Variants in HDAC4 observed in about 807,000 individuals in gnomAD.
HDAC4 encodes the protein histone deacetylase A.
A neutral mutation model predicts 135.1 loss-of-function variants in HDAC4; 16 were observed. The observed-to-expected ratio is 0.12, with a 90% confidence interval of 0.08 to 0.18. The LOEUF (loss-of-function observed/expected upper bound fraction) is 0.18. Ranked by LOEUF, HDAC4 falls within the 10% of genes least tolerant of loss-of-function variation. The pLI, the probability that HDAC4 is intolerant of heterozygous loss-of-function variation, is 1.00. For missense variants in HDAC4, 1,143 were observed against 1,511.8 expected (o/e 0.76, Z 4.05); for synonymous variants, 685 against 653.4 (o/e 1.05, Z -0.74).
rs545911597 is a variant in HDAC4, at chr2:239,159,958, T to C, written c.612-3185A>G. ...GAGGAAGATGGAAAAGCAAATACTGTTTTCTTCTAAACACTGGCTTGACTG... is the reference window on the plus strand; with the variant it reads ...GAGGAAGATGGAAAAGCAAATACTGCTTTCTTCTAAACACTGGCTTGACTG... On this transcript the variant is annotated intron_variant, in intron 6 of 26. Coordinates refer to ENST00000543185, the MANE Select transcript of HDAC4 (RefSeq NM_001378414.1). Among the ~76,000 whole-genome samples the C allele has an allele frequency of 1.6e-4, 24 of 152,258 alleles. 1 individual carries two copies. Among genetic ancestry groups the C allele is most frequent in the Non-Finnish European group, 1.9e-4 (13 of 68,054 alleles).
intron 5 of HDAC4, among the ~76,000 whole-genome samples, chr2:239,166,761 G>A (rs975611114): frequency 1.3e-5 from 2 of 152,136 alleles, no homozygotes; most frequent in South Asian, 2.1e-4. Flanking sequence ...TCCACAACTA[G>A]GAATAAAAGG....
chr2:239,069,645 G>T (rs1349167484), intron 22 of HDAC4, among the ~76,000 whole-genome samples: 1 of 83,666 alleles, frequency 1.2e-5, no homozygotes, highest in Non-Finnish European at 2.7e-5. Flanking sequence ...CTTGCTTGGT[G>T]AGAGTGAGTC....
rs2051115175 is a variant in HDAC4, at chr2:239,285,989, C to T, written c.23-49325G>A. Among the ~76,000 whole-genome samples, 1 of 151,894 alleles carries T rather than the reference C, an allele frequency of 6.6e-6. No individual in the cohort carries two copies. Among genetic ancestry groups the T allele is most frequent in the Non-Finnish European group, 1.5e-5 (1 of 67,968 alleles). ...ACGCTCCCAAGCAAACACAAGCCAA[C>T]ACAGAAAGAAGTGAAAAAAGGCAGC... On this transcript the variant is annotated intron_variant, in intron 2 of 26. Coordinates refer to ENST00000543185, the MANE Select transcript of HDAC4 (RefSeq NM_001378414.1). This position sits in a 1 kb window ranked among gnomAD's most constrained non-coding sequence, Gnocchi z 4.5.
At chr2:239,266,289 G>A (rs984196943) in intron 2 of HDAC4, among the ~76,000 whole-genome samples, 5 of 152,172 alleles carry the variant, frequency 3.3e-5, no homozygotes, top group African/African-American at 1.2e-4. Flanking sequence ...TCCATAGGCC[G>A]GGACCCTGGT....
At chr2:239,293,013 T>G (rs2051622480) in intron 2 of HDAC4, among the ~76,000 whole-genome samples, 2 of 152,162 alleles carry the variant, frequency 1.3e-5, no homozygotes, top group South Asian at 4.1e-4. Flanking sequence ...AATGTCCCTA[T>G]AGACATGAAA....
At chr2:239,388,372 G>A (rs575262068) in intron 1 of HDAC4, among the ~76,000 whole-genome samples, 4 of 152,344 alleles carry the variant, frequency 2.6e-5, no homozygotes, top group South Asian at 4.1e-4. Flanking sequence ...CCACTTGCCC[G>A]CAGGGAGGCA....
chr2:239,052,739 T>A lies in HDAC4; in HGVS notation c.*358A>T, dbSNP rs932809534. The A allele has an allele frequency of 2.3e-5, 8 of 349,354 alleles. No homozygotes were observed. In the East Asian group the frequency reaches 3.8e-4, roughly 17 times the overall value. The allele number at this position is 349,354 out of a possible 1,614,324, so 21.6% of individuals were successfully genotyped here. A position where few individuals can be genotyped will look rare whatever the true frequency, so the allele number is the denominator to read the frequency against. ...TTAGATCTTTGATATTTGTTTTCTG[T>A]GCCTCGTGTCAACTGAATTCGGCAG... On this transcript the variant is annotated 3_prime_UTR_variant, in exon 27 of 27. Transcript: ENST00000543185.
At chr2:239,178,510 G>A (rs1011214853) in intron 4 of HDAC4, among the ~76,000 whole-genome samples, 64 of 152,294 alleles carry the variant, frequency 4.2e-4, no homozygotes, top group African/African-American at 1.4e-3. Context: ...AGCCTCCTGA[G>A]TAGCTGGGAC....
At position 239,327,084 on chromosome 2, in the gene HDAC4, G is replaced by A. The variant is rs187194890; in HGVS notation, c.22+25594C>T. 8.5e-5 allele frequency among the ~76,000 whole-genome samples: 13 copies of A among 152,352 alleles called. 1 individual carries two copies. The highest frequency in any genetic ancestry group is 2.1e-4 in the South Asian group (1 of 4,830). ...CTAGGATGATTCACCAACTGCCTTCGCTGAACAAATGTTTCAGAATCTGAG... is the reference window on the plus strand; with the variant it reads ...CTAGGATGATTCACCAACTGCCTTCACTGAACAAATGTTTCAGAATCTGAG... On this transcript the variant is annotated intron_variant, in intron 2 of 26. Transcript: ENST00000543185.
At chr2:239,132,262 G>A (rs1390920625) in intron 11 of HDAC4, among the ~76,000 whole-genome samples, 1 of 152,234 alleles carries the variant, frequency 6.6e-6, no homozygotes, top group Non-Finnish European at 1.5e-5. Context: ...GGCACACAGA[G>A]CATAAGCGGC....
chr2:239,098,292 A>G (rs939274075), intron 16 of HDAC4, among the ~76,000 whole-genome samples: 4 of 152,250 alleles, frequency 2.6e-5, no homozygotes, highest in Non-Finnish European at 5.9e-5. Context: ...ACAGGGCCTG[A>G]AGCTCTGCAA....
chr2:239,282,297 A>C (rs1575602595), intron 2 of HDAC4, among the ~76,000 whole-genome samples: 1 of 123,474 alleles, frequency 8.1e-6, no homozygotes, highest in Non-Finnish European at 1.7e-5. Flanking sequence ...TGTACACACC[A>C]CTCTACACAC....
At chr2:239,189,601 C>T (rs1173606080) in intron 4 of HDAC4, among the ~76,000 whole-genome samples, 2 of 152,196 alleles carry the variant, frequency 1.3e-5, no homozygotes, top group African/African-American at 4.8e-5. Flanking sequence ...AATATGCTTC[C>T]ACTCAATGAC....
intron 3 of HDAC4, among the ~76,000 whole-genome samples, chr2:239,197,249 G>A (rs1001458947): frequency 6.6e-6 from 1 of 152,118 alleles, no homozygotes; most frequent in South Asian, 2.1e-4. Flanking sequence ...CTTCGCCTTC[G>A]GGATTCTGAA....
At chr2:239,084,351 G>A (rs767717016) in intron 19 of HDAC4, 109 bp from the exon 20 acceptor site, 1 of 753,884 alleles carries the variant, frequency 1.3e-6, no homozygotes, top group Non-Finnish European at 2.4e-6. Flanking sequence ...AGAGGTCTCT[G>A]TGAGTGCAGA....
chr2:239,310,523 C>T (rs1307781219), intron 2 of HDAC4, among the ~76,000 whole-genome samples: 3 of 152,198 alleles, frequency 2.0e-5, no homozygotes, highest in African/African-American at 4.8e-5. Flanking sequence ...TCCCATGAGC[C>T]CTGCCTCCAT....
chr2:239,266,993 T>G (rs946585576), intron 2 of HDAC4, among the ~76,000 whole-genome samples: 1 of 152,118 alleles, frequency 6.6e-6, no homozygotes, highest in African/African-American at 2.4e-5. Context: ...GACACCACCC[T>G]GGGCATCCTG....
rs531789805 is a variant in HDAC4 at position 239,299,421 on chromosome 2, A to C, written c.22+53257T>G. Among the ~76,000 whole-genome samples, 1 of 152,336 alleles carries C rather than the reference A, an allele frequency of 6.6e-6. No homozygotes were observed. Among genetic ancestry groups the C allele is most frequent in the Non-Finnish European group, 1.5e-5 (1 of 68,034 alleles). On this transcript the variant is annotated intron_variant, in intron 2 of 26. Coordinates refer to ENST00000543185, the MANE Select transcript of HDAC4 (RefSeq NM_001378414.1). The surrounding 1 kb of genome is among the most constrained non-coding windows in gnomAD (Gnocchi z 4.0). ...TCCCAATAAAATGCTGACATGGGCT[A>C]ATCTCAAGCAGATATTCTGATCCCC...
intron 1 of HDAC4, among the ~76,000 whole-genome samples, chr2:239,399,331 T>A (rs1309688948): frequency 1.3e-5 from 2 of 152,232 alleles, no homozygotes; most frequent in East Asian, 3.8e-4. Context: ...TAACTTTTGT[T>A]GCTTTGTAAC....
Sources: allele counts gnomAD v4.1 joint callset (sites outside exome capture counted in the v4.1 genomes callset), GRCh38; gene constraint gnomAD v4.1.1; non-coding constraint Gnocchi (gnomAD v3.1); transcripts MANE v1.5; gene names NCBI Gene and HGNC (gene_info 2026-07-23, HGNC 2026-07-21).